WWOX: variants seen among roughly 807,000 people sequenced by gnomAD.
WWOX encodes WW domain containing oxidoreductase, also known as WW domain-containing oxidoreductase.
In WWOX, 69 loss-of-function variants were observed where a neutral mutation model predicts 46.2. The ratio of observed to expected loss-of-function variants is 1.49; its 90% confidence interval spans 1.23 to 1.82. WWOX has a LOEUF of 1.82. Ranked by LOEUF, WWOX falls within the 40% of genes most tolerant of loss-of-function variation. The probability of loss-of-function intolerance (pLI) is 0.00; values close to 1 mark genes in which losing one functional copy is unlikely to be tolerated. For synonymous variants in WWOX, 359 were observed against 202.6 expected (o/e 1.77, Z -6.56); for missense variants, 919 against 542.6 (o/e 1.69, Z -6.89).
intron 8 of WWOX, among the ~76,000 whole-genome samples, chr16:78,666,752 T>G (rs572463671): frequency 5.9e-5 from 9 of 152,308 alleles, no homozygotes; most frequent in African/African-American, 2.2e-4. Flanking sequence ...TGGGACTGTT[T>G]GGTTGTGTTC....
At chr16:78,250,955 G>A (rs1397567035) in intron 5 of WWOX, among the ~76,000 whole-genome samples, 2 of 152,198 alleles carry the variant, frequency 1.3e-5, no homozygotes, top group African/African-American at 4.8e-5. Context: ...ATGGGGCACA[G>A]ATGTCTGTTA....
intron 8 of WWOX, among the ~76,000 whole-genome samples, chr16:79,074,922 A>G (rs999518635): frequency 2.0e-5 from 3 of 152,130 alleles, no homozygotes; most frequent in African/African-American, 4.8e-5. Flanking sequence ...AAAGTGTAGT[A>G]TATACAACAG....
intron 5 of WWOX, among the ~76,000 whole-genome samples, chr16:78,227,822 A>C (rs542857781): frequency 6.6e-6 from 1 of 152,294 alleles, no homozygotes; most frequent in East Asian, 1.9e-4. Flanking sequence ...GGTTGCAGTG[A>C]GTCGAGTCGT....
At chr16:78,586,111 C>G (rs912324804) in intron 8 of WWOX, among the ~76,000 whole-genome samples, 4 of 152,050 alleles carry the variant, frequency 2.6e-5, no homozygotes, top group African/African-American at 9.7e-5. Flanking sequence ...AATCCCAACA[C>G]TTTGGGAGGC....
At chr16:78,743,881 A>G (rs2049287640) in intron 8 of WWOX, among the ~76,000 whole-genome samples, 1 of 152,058 alleles carries the variant, frequency 6.6e-6, no homozygotes, top group Non-Finnish European at 1.5e-5. Flanking sequence ...GGGTATTTAA[A>G]CCCCAGAAAA....
intron 8 of WWOX, among the ~76,000 whole-genome samples, chr16:78,687,397 A>G (rs1348802575): frequency 1.3e-5 from 2 of 152,204 alleles, no homozygotes; most frequent in African/African-American, 2.4e-5. Flanking sequence ...GTGTGGCCTG[A>G]GATTGTTGAA....
intron 5 of WWOX, among the ~76,000 whole-genome samples, chr16:78,176,228 A>T (rs997166403): frequency 6.6e-6 from 1 of 152,208 alleles, no homozygotes. Flanking sequence ...TCCCTAAATA[A>T]TAAATCCAAA....
intron 8 of WWOX, among the ~76,000 whole-genome samples, chr16:78,453,223 A>C (rs74949472): frequency 0.12 from 18,072 of 151,878 alleles, 1,651 homozygotes; most frequent in African/African-American, 0.25. Context: ...CAGGAGTTTG[A>C]TAATAGCCTG....
chr16:78,732,795 G>A (rs977133452), intron 8 of WWOX, among the ~76,000 whole-genome samples: 1 of 152,164 alleles, frequency 6.6e-6, no homozygotes, highest in Non-Finnish European at 1.5e-5. Context: ...TATGGTTTTG[G>A]AATCTCTGGC....
intron 8 of WWOX, among the ~76,000 whole-genome samples, chr16:78,737,249 G>A (rs559427622): frequency 3.3e-5 from 5 of 151,424 alleles, no homozygotes; most frequent in African/African-American, 4.9e-5. Flanking sequence ...ACAAGCGCCC[G>A]CCACCATACT....
At chr16:78,285,626 C>T (rs1279836236) in intron 5 of WWOX, among the ~76,000 whole-genome samples, 2 of 152,028 alleles carry the variant, frequency 1.3e-5, no homozygotes, top group East Asian at 3.9e-4. Flanking sequence ...ATTGTTTGTG[C>T]CTTTAGCCAG....
chr16:78,637,117 A>C (rs79593502), intron 8 of WWOX, among the ~76,000 whole-genome samples: 2,601 of 152,244 alleles, frequency 0.017, 76 homozygotes, highest in African/African-American at 0.059. Flanking sequence ...CACTGCCTGC[A>C]TTTTCTAATC....
At chr16:78,503,448 TA>T (rs11333636) in intron 8 of WWOX, among the ~76,000 whole-genome samples, 11,741 of 149,080 alleles carry the variant, frequency 0.079, 925 homozygotes, top group East Asian at 0.22. Context: ...TTCCTTATTG[TA>T]AAAAAAAAAA....
chr16:79,045,061 G>A (rs761304792), intron 8 of WWOX, among the ~76,000 whole-genome samples: 2 of 152,182 alleles, frequency 1.3e-5, no homozygotes, highest in Non-Finnish European at 2.9e-5. Flanking sequence ...GATCAGCTCT[G>A]CTCCTGTCAA....
chr16:79,175,324 C>G (rs1308861938), intron 8 of WWOX, among the ~76,000 whole-genome samples: 3 of 152,190 alleles, frequency 2.0e-5, no homozygotes, highest in Non-Finnish European at 4.4e-5. Flanking sequence ...AGCTTAAAGA[C>G]TGACCTTTTC....
chr16:78,609,011 G>C (rs752804050), intron 8 of WWOX, among the ~76,000 whole-genome samples: 173 of 151,448 alleles, frequency 1.1e-3, no homozygotes, highest in Non-Finnish European at 1.8e-3. Context: ...CTTCATATTT[G>C]GGACCCTTTT....
At chr16:79,096,961 G>A (rs1158160119) in intron 8 of WWOX, among the ~76,000 whole-genome samples, 4 of 152,240 alleles carry the variant, frequency 2.6e-5, no homozygotes, top group Admixed American at 6.5e-5. Flanking sequence ...GAGGGGGCCA[G>A]GAAGAAGCCA....
chr16:78,532,051 G>A (rs1447052203), intron 8 of WWOX, among the ~76,000 whole-genome samples: 1 of 151,430 alleles, frequency 6.6e-6, no homozygotes, highest in African/African-American at 2.4e-5. Context: ...GTGGTATTTG[G>A]GGGAGTAGGG....
At chr16:78,848,199 A>G (rs1042906398) in intron 8 of WWOX, among the ~76,000 whole-genome samples, 2 of 152,222 alleles carry the variant, frequency 1.3e-5, no homozygotes, top group East Asian at 1.9e-4. Context: ...GCAAATGCCA[A>G]TGAATTAGAG....
Sources: allele counts gnomAD v4.1 joint callset (sites outside exome capture counted in the v4.1 genomes callset), GRCh38; gene constraint gnomAD v4.1.1; transcripts MANE v1.5; gene names NCBI Gene and HGNC (gene_info 2026-07-23, HGNC 2026-07-21).